FRMD3: variants seen among roughly 807,000 people sequenced by gnomAD.
FRMD3 encodes FERM domain-containing protein 3.
A neutral mutation model predicts 70.2 loss-of-function variants in FRMD3; 33 were observed. The ratio of observed to expected loss-of-function variants is 0.47; its 90% confidence interval spans 0.36 to 0.63. The LOEUF is 0.63. Ranked by LOEUF, FRMD3 falls within the 20% of genes least tolerant of loss-of-function variation. FRMD3 has a pLI of 0.00. For synonymous variants in FRMD3, 279 were observed against 255.9 expected (o/e 1.09, Z -0.86); for missense variants, 632 against 711.4 (o/e 0.89, Z 1.27).
chr9:83,364,127 T>C (rs949323044), intron 3 of FRMD3, among the ~76,000 whole-genome samples: 2 of 152,230 alleles, frequency 1.3e-5, no homozygotes, highest in East Asian at 1.9e-4. Context: ...TATTGAGCCG[T>C]TCATCTGTTG....
chr9:83,411,913 T>G (rs78962107), intron 1 of FRMD3, among the ~76,000 whole-genome samples: 15,329 of 152,238 alleles, frequency 0.1, 843 homozygotes, highest in East Asian at 0.14. Context: ...GGGATCAGTC[T>G]GCATAGAATT....
chr9:83,559,355 G>T, the FRMD3 span, among the ~76,000 whole-genome samples: 1 of 152,136 alleles, frequency 6.6e-6, no homozygotes, highest in South Asian at 2.1e-4. Flanking sequence ...TTTCAATTAA[G>T]GTATGTACAT....
In FRMD3 at chr9:83,319,385, T is replaced by C. The variant is rs145245059; in HGVS notation, c.597-5638A>G. Among the ~76,000 whole-genome samples, 1,134 of 152,222 alleles carry C rather than the reference T, an allele frequency of 7.4e-3. 66 individuals carry two copies. Among genetic ancestry groups the C allele is most frequent in the Admixed American group, 0.067 (1,031 of 15,280 alleles). On this transcript the variant is annotated intron_variant, in intron 6 of 13. Transcript: ENST00000304195. ...TTTATGGTGAGATGTATGGGTCCAGTTTCACTCTTCTGCATGCAGCTATCA... is the reference window on the plus strand; with the variant it reads ...TTTATGGTGAGATGTATGGGTCCAGCTTCACTCTTCTGCATGCAGCTATCA...
intron 1 of FRMD3, among the ~76,000 whole-genome samples, chr9:83,437,150 A>C (rs1382147621): frequency 1.3e-5 from 2 of 152,238 alleles, no homozygotes; most frequent in Non-Finnish European, 2.9e-5. Flanking sequence ...TTAGGGAGGC[A>C]AACTCGGCTT....
chr9:83,351,721 A>ATAGATAGATAGATAGG lies in FRMD3; in HGVS notation c.296-1965_296-1964insCCTATCTATCTATCTA, dbSNP rs1338106678. Among the ~76,000 whole-genome samples, 641 of 152,118 alleles carry ATAGATAGATAGATAGG rather than the reference A, an allele frequency of 4.2e-3. 5 individuals carry two copies. Among genetic ancestry groups the ATAGATAGATAGATAGG allele is most frequent in the African/African-American group, 0.015 (612 of 41,466 alleles). ...GATAGATAGATAGATAGATAGATAG[A>ATAGATAGATAGATAGG]TAGATAGATAGACATGCCATCCTGC... is the stretch of plus-strand genomic sequence containing the variant. On this transcript the variant is annotated intron_variant, in intron 3 of 13. Transcript: ENST00000304195.
chr9:83,378,554 T>A (rs1401695379), intron 2 of FRMD3, among the ~76,000 whole-genome samples: 2 of 120,460 alleles, frequency 1.7e-5, no homozygotes, highest in African/African-American at 6.2e-5. Flanking sequence ...CATATAAAAT[T>A]TATATATATA....
chr9:83,244,358 C>CTATT (rs1436655965), downstream of FRMD3, among the ~76,000 whole-genome samples: 4 of 152,046 alleles, frequency 2.6e-5, no homozygotes, highest in Non-Finnish European at 5.9e-5. Flanking sequence ...CTGTGCTTTT[C>CTATT]TATTTCTCTG....
At chr9:83,257,781 A>G (rs1832785725) in intron 13 of FRMD3, among the ~76,000 whole-genome samples, 1 of 152,196 alleles carries the variant, frequency 6.6e-6, no homozygotes, top group Non-Finnish European at 1.5e-5. Context: ...CAGAAAGCTC[A>G]GTTAATAAGT....
chr9:83,454,502 G>A (rs1336380885), intron 1 of FRMD3, among the ~76,000 whole-genome samples: 1 of 152,198 alleles, frequency 6.6e-6, no homozygotes, highest in East Asian at 1.9e-4. Flanking sequence ...CAAAATACCA[G>A]CCTTACTGAG....
intron 1 of FRMD3, among the ~76,000 whole-genome samples, chr9:83,452,414 C>A (rs952176786): frequency 2.6e-5 from 4 of 152,126 alleles, no homozygotes; most frequent in African/African-American, 9.7e-5. Context: ...ATTTCAAATC[C>A]TCCTGGTTTA....
intron 3 of FRMD3, among the ~76,000 whole-genome samples, chr9:83,365,863 T>C (rs1462602887): frequency 6.6e-6 from 1 of 152,162 alleles, no homozygotes; most frequent in African/African-American, 2.4e-5. Context: ...TGAATACAGA[T>C]GTGCTGAGTG....
intron 13 of FRMD3, among the ~76,000 whole-genome samples, chr9:83,270,213 C>T (rs1030901239): frequency 2.6e-5 from 4 of 152,176 alleles, no homozygotes; most frequent in African/African-American, 9.7e-5. Flanking sequence ...TGGGCAGTGA[C>T]AAGAGGCCAA....
chr9:83,313,418 A>G lies in FRMD3; in HGVS notation c.684+242T>C, dbSNP rs117959020. ...AACCATCCATTTGATGAGTGAATCC[A>G]TGGATGTTAATTTAGGAAAATATGG... On this transcript the variant is annotated intron_variant, in intron 7 of 13. Coordinates refer to ENST00000304195, the MANE Select transcript of FRMD3 (RefSeq NM_174938.6). Among the ~76,000 whole-genome samples, 868 of 152,336 alleles carry G rather than the reference A, an allele frequency of 5.7e-3. 4 individuals carry two copies. Among genetic ancestry groups the G allele is most frequent in the Non-Finnish European group, 9.7e-3 (658 of 68,046 alleles).
At chr9:83,372,803 C>A (rs991613105) in intron 3 of FRMD3, 110 bp downstream of exon 3, 4 of 1,002,096 alleles carry the variant, frequency 4.0e-6, no homozygotes, top group Non-Finnish European at 4.7e-6. Flanking sequence ...CCCACACCCC[C>A]CAACACCTCT....
intron 13 of FRMD3, chr9:83,267,172 C>T (rs1833305788): frequency 6.4e-7 from 1 of 1,550,420 alleles, no homozygotes; most frequent in South Asian, 1.2e-5. Flanking sequence ...TCTCCTCGGC[C>T]TGCATGGCCC....
At chr9:83,398,883 A>G (rs543772771) in intron 1 of FRMD3, among the ~76,000 whole-genome samples, 1 of 152,328 alleles carries the variant, frequency 6.6e-6, no homozygotes, top group South Asian at 2.1e-4. Flanking sequence ...CCAGCTACCC[A>G]TGAGGGAAAC....
chr9:83,514,712 G>A (rs542507071), intron 1 of FRMD3, among the ~76,000 whole-genome samples: 10 of 152,156 alleles, frequency 6.6e-5, no homozygotes, highest in Admixed American at 2.6e-4. Flanking sequence ...ATACAGGAGC[G>A]CTCTGGCTGG....
chr9:83,423,273 C>A (rs193130212), intron 1 of FRMD3, among the ~76,000 whole-genome samples: 3 of 152,244 alleles, frequency 2.0e-5, no homozygotes, highest in Admixed American at 2.0e-4. Flanking sequence ...GGCCAACCAG[C>A]TGAAATTCTC....
intron 1 of FRMD3, among the ~76,000 whole-genome samples, chr9:83,466,923 C>T (rs771912381): frequency 7.2e-5 from 11 of 152,162 alleles, no homozygotes; most frequent in African/African-American, 1.2e-4. Context: ...GATGCTGGTT[C>T]TGCCGAAATA....
Sources: gnomAD v4.1 joint callset for allele counts (sites outside exome capture counted in the v4.1 genomes callset) on GRCh38, gnomAD v4.1.1 for gene constraint, MANE v1.5 for transcripts, NCBI Gene and HGNC (gene_info 2026-07-23, HGNC 2026-07-21) for gene names.